The following XPO6 variants were observed in gnomAD, a reference collection of about 807,000 sequenced individuals.
The protein encoded by XPO6 is exportin-6.
In XPO6, 3 loss-of-function variants were observed where a neutral mutation model predicts 130.0. The observed-to-expected ratio is 0.02, with a 90% CI of 0.01 to 0.06. The LOEUF is 0.06. Ranked by LOEUF, XPO6 falls within the 10% of genes least tolerant of loss-of-function variation. XPO6 has a pLI of 1.00. For missense variants in XPO6, 970 were observed against 1,393.0 expected (o/e 0.70, Z 4.83); for synonymous variants, 524 against 548.9 (o/e 0.95, Z 0.63).
At chr16:28,162,807 C>A (rs540496401) in intron 6 of XPO6, among the ~76,000 whole-genome samples, 1 of 152,128 alleles carries the variant, frequency 6.6e-6, no homozygotes, top group Non-Finnish European at 1.5e-5. Context: ...CCTCTCACCT[C>A]GGCCCCCCAA....
intron 13 of XPO6, among the ~76,000 whole-genome samples, chr16:28,122,475 T>C (rs1312521363): frequency 6.6e-6 from 1 of 152,012 alleles, no homozygotes; most frequent in African/African-American, 2.4e-5. Flanking sequence ...TATCCAGATG[T>C]GGTGGCACAT....
chr16:28,194,709 T>A (rs1011604138), intron 1 of XPO6, among the ~76,000 whole-genome samples: 14 of 152,056 alleles, frequency 9.2e-5, no homozygotes, highest in Non-Finnish European at 2.1e-4. Flanking sequence ...TAAAAAAAGA[T>A]TGCTAAAAAG....
At chr16:28,149,349 A>G (rs937142339) in intron 8 of XPO6, among the ~76,000 whole-genome samples, 3 of 152,236 alleles carry the variant, frequency 2.0e-5, no homozygotes, top group Non-Finnish European at 4.4e-5. Context: ...AGAAAAATGC[A>G]GGAAAAGAAA....
intron 12 of XPO6, among the ~76,000 whole-genome samples, chr16:28,130,674 C>G (rs574770560): frequency 6.6e-6 from 1 of 152,210 alleles, no homozygotes; most frequent in East Asian, 1.9e-4. Flanking sequence ...TATAAATGAT[C>G]CGGACGAGCC....
At chr16:28,206,934 C>A (rs1040499673) in intron 1 of XPO6, among the ~76,000 whole-genome samples, 2 of 152,068 alleles carry the variant, frequency 1.3e-5, no homozygotes, top group African/African-American at 4.8e-5. Flanking sequence ...ATTACAGGGG[C>A]CACTCACGGT....
chr16:28,152,963 A>T, intron 7 of XPO6, 178 bp from the exon 8 acceptor site: 1 of 1,289,632 alleles, frequency 7.8e-7, no homozygotes, highest in Non-Finnish European at 9.8e-7. Context: ...TCCATTAACC[A>T]CCTGAAACAT....
chr16:28,155,155 T>C (rs1196999723), intron 7 of XPO6, among the ~76,000 whole-genome samples: 5 of 152,202 alleles, frequency 3.3e-5, no homozygotes, highest in Non-Finnish European at 5.9e-5. Flanking sequence ...CTATTTACTC[T>C]AAGGAAAAGA....
chr16:28,170,532 T>C (rs1280085180), intron 4 of XPO6, among the ~76,000 whole-genome samples: 1 of 152,196 alleles, frequency 6.6e-6, no homozygotes, highest in Admixed American at 6.5e-5. Context: ...CTTTGTTACT[T>C]TGTCTAGTAG....
intron 1 of XPO6, among the ~76,000 whole-genome samples, chr16:28,192,457 C>G (rs1009089821): frequency 3.3e-5 from 5 of 152,026 alleles, no homozygotes; most frequent in Non-Finnish European, 5.9e-5. Context: ...CAATGCCTCG[C>G]CCTTCCCATT....
intron 1 of XPO6, among the ~76,000 whole-genome samples, chr16:28,183,701 T>G (rs1432124509): frequency 2.0e-5 from 3 of 152,214 alleles, no homozygotes; most frequent in African/African-American, 4.8e-5. Context: ...TCATTTTTAT[T>G]TGGTCTTAGA....
chr16:28,197,203 G>C (rs2043878377), intron 1 of XPO6, among the ~76,000 whole-genome samples: 1 of 152,028 alleles, frequency 6.6e-6, no homozygotes, highest in Admixed American at 6.6e-5. Context: ...AGTGAGCTGA[G>C]ATCACGCCAC....
At chr16:28,134,423 T>C (rs1455930514) in intron 10 of XPO6, among the ~76,000 whole-genome samples, 7 of 152,348 alleles carry the variant, frequency 4.6e-5, no homozygotes, top group African/African-American at 1.2e-4. Flanking sequence ...GTGATTCTTA[T>C]CCATGGTGAC....
chr16:28,206,368 C>T (rs2044030438), intron 1 of XPO6, among the ~76,000 whole-genome samples: 1 of 151,916 alleles, frequency 6.6e-6, no homozygotes. Flanking sequence ...TAGCAATCCC[C>T]ACTCTCTACA....
intron 1 of XPO6, among the ~76,000 whole-genome samples, chr16:28,186,988 A>C (rs2043705983): frequency 6.6e-6 from 1 of 152,238 alleles, no homozygotes; most frequent in Non-Finnish European, 1.5e-5. Flanking sequence ...CTAACTTCAA[A>C]GAACTGAAGG....
At chr16:28,207,549 T>G (rs1412366497) in intron 1 of XPO6, among the ~76,000 whole-genome samples, 2 of 152,200 alleles carry the variant, frequency 1.3e-5, no homozygotes, top group Non-Finnish European at 1.5e-5. Flanking sequence ...CTTTTTAAAC[T>G]GGTTCTAAAT....
intron 7 of XPO6, among the ~76,000 whole-genome samples, chr16:28,155,304 C>T (rs2043165816): frequency 6.6e-6 from 1 of 152,148 alleles, no homozygotes. Flanking sequence ...CCTAAACCGT[C>T]AATCTGATTG....
chr16:28,118,326 T>C (rs1446636909), intron 14 of XPO6, among the ~76,000 whole-genome samples: 2 of 152,216 alleles, frequency 1.3e-5, no homozygotes, highest in African/African-American at 4.8e-5. Context: ...TTCCCTCCTC[T>C]CATCCTTATT....
At chr16:28,118,335 T>C (rs2087126109) in intron 14 of XPO6, among the ~76,000 whole-genome samples, 2 of 152,320 alleles carry the variant, frequency 1.3e-5, no homozygotes, top group South Asian at 2.1e-4. Context: ...CTCATCCTTA[T>C]TTTGTTAATC....
chr16:28,197,760 C>CA (rs1017971237), intron 1 of XPO6, among the ~76,000 whole-genome samples: 11 of 149,436 alleles, frequency 7.4e-5, no homozygotes, highest in African/African-American at 1.7e-4. Flanking sequence ...ACTAAAAATA[C>CA]AAAAAAAAAT....
Sources: gnomAD v4.1 joint callset for allele counts (sites outside exome capture counted in the v4.1 genomes callset) on GRCh38, gnomAD v4.1.1 for gene constraint, MANE v1.5 for transcripts, NCBI Gene and HGNC (gene_info 2026-07-23, HGNC 2026-07-21) for gene names.